GRIA1: variants seen among roughly 807,000 people sequenced by gnomAD.
GRIA1 encodes glutamate receptor 1.
In GRIA1, 31 loss-of-function variants were observed where a neutral mutation model predicts 99.2. That is an observed-to-expected ratio of 0.31 (90% CI 0.23 to 0.42). GRIA1 has a LOEUF of 0.42. GRIA1 is among the 10% of genes least tolerant of loss of function. The pLI is 1.00. For missense variants in GRIA1, 782 were observed against 1,157.5 expected, an observed-to-expected ratio of 0.68 and a Z score of 4.71; for synonymous variants, 438 against 432.4, an observed-to-expected ratio of 1.01 and a Z score of -0.16.
At chr5:153,713,777 T>C (rs775593219) in intron 11 of GRIA1, among the ~76,000 whole-genome samples, 3 of 152,208 alleles carry the variant, frequency 2.0e-5, no homozygotes, top group Non-Finnish European at 4.4e-5. Context: ...TCTCCAAAAT[T>C]ACAATAGGAA....
chr5:153,794,548 T>C, intron 13 of GRIA1, 73 bp from the exon 14 acceptor site: 1 of 1,004,210 alleles, frequency 1.0e-6, no homozygotes, highest in South Asian at 1.3e-5. Flanking sequence ...GATTCACCGA[T>C]CCCTTGGGTC....
intron 13 of GRIA1, among the ~76,000 whole-genome samples, chr5:153,779,801 C>G (rs1561854591): frequency 6.6e-6 from 1 of 152,186 alleles, no homozygotes; most frequent in East Asian, 1.9e-4. Flanking sequence ...ACTTCATGAT[C>G]CATCCGCCTC....
intron 2 of GRIA1, among the ~76,000 whole-genome samples, chr5:153,567,916 G>A (rs1035340030): frequency 3.9e-5 from 6 of 152,126 alleles, no homozygotes; most frequent in East Asian, 3.9e-4. Context: ...GAATTATTCC[G>A]AGTACAGTAT....
chr5:153,598,991 C>G (rs6877129), intron 2 of GRIA1, among the ~76,000 whole-genome samples: 25 of 152,266 alleles, frequency 1.6e-4, no homozygotes, highest in African/African-American at 6.0e-4. Flanking sequence ...ATGCCATTCT[C>G]CTGCCTCAGC....
chr5:153,671,479 A>G (rs893624574), intron 5 of GRIA1, among the ~76,000 whole-genome samples: 1 of 152,208 alleles, frequency 6.6e-6, no homozygotes, highest in Non-Finnish European at 1.5e-5. Context: ...TGGAATGCAT[A>G]TTGGGTACAG....
At chr5:153,788,044 C>A (rs1178624287) in intron 13 of GRIA1, among the ~76,000 whole-genome samples, 2 of 151,854 alleles carry the variant, frequency 1.3e-5, no homozygotes, top group Non-Finnish European at 2.9e-5. Context: ...CATGCCACTG[C>A]ACTCCAGCCT....
At chr5:153,704,311 G>C (rs575730485) in intron 10 of GRIA1, among the ~76,000 whole-genome samples, 2 of 152,226 alleles carry the variant, frequency 1.3e-5, no homozygotes, top group Non-Finnish European at 2.9e-5. Context: ...ACCTGCATAG[G>C]CATGTCTCTC....
intron 13 of GRIA1, among the ~76,000 whole-genome samples, chr5:153,776,384 G>A (rs1764255114): frequency 6.6e-6 from 1 of 152,166 alleles, no homozygotes; most frequent in African/African-American, 2.4e-5. Context: ...TTTTGGCAAG[G>A]ACAGAAAATG....
chr5:153,643,087 T>C (rs1191873379), intron 2 of GRIA1, among the ~76,000 whole-genome samples: 1 of 152,174 alleles, frequency 6.6e-6, no homozygotes. Flanking sequence ...AGGATTTTGT[T>C]ACAAGGGAAT....
At chr5:153,535,335 C>A (rs1758469431) in intron 2 of GRIA1, among the ~76,000 whole-genome samples, 1 of 152,200 alleles carries the variant, frequency 6.6e-6, no homozygotes, top group South Asian at 2.1e-4. Context: ...TACCCACCAT[C>A]CACCACCATT....
At chr5:153,631,916 C>T (rs1207435484) in intron 2 of GRIA1, among the ~76,000 whole-genome samples, 1 of 151,922 alleles carries the variant, frequency 6.6e-6, no homozygotes, top group Admixed American at 6.6e-5. Flanking sequence ...CAGTGAGAAC[C>T]GCATCGGGGG....
intron 11 of GRIA1, among the ~76,000 whole-genome samples, chr5:153,722,687 C>T (rs112048029): frequency 0.02 from 2,977 of 152,258 alleles, 38 homozygotes; most frequent in Non-Finnish European, 0.031. Flanking sequence ...CAGGGTATTA[C>T]CTTATCTTAA....
intron 1 of GRIA1, 37 bp from the exon 2 acceptor site, chr5:153,493,891 T>A (rs778455399): frequency 6.8e-6 from 11 of 1,612,090 alleles, no homozygotes; most frequent in Non-Finnish European, 9.3e-6. Context: ...AACCTGTCTC[T>A]AGCCCATATA....
At chr5:153,708,633 TTTA>T (rs1759088888) in intron 11 of GRIA1, among the ~76,000 whole-genome samples, 1 of 152,260 alleles carries the variant, frequency 6.6e-6, no homozygotes, top group Non-Finnish European at 1.5e-5. Context: ...GGATGCTTTT[TTTA>T]TTATGTTAAT....
intron 13 of GRIA1, among the ~76,000 whole-genome samples, chr5:153,785,650 T>G (rs1764924351): frequency 6.6e-6 from 1 of 152,216 alleles, no homozygotes; most frequent in South Asian, 2.1e-4. Context: ...TTCCTTCTTT[T>G]CCCATTGATG....
chr5:153,629,511 G>A (rs1277833336), intron 2 of GRIA1, among the ~76,000 whole-genome samples: 2 of 152,200 alleles, frequency 1.3e-5, no homozygotes, highest in African/African-American at 4.8e-5. Context: ...TGAAACCAAG[G>A]ATTATAAATA....
chr5:153,615,449 C>T lies in GRIA1; in HGVS notation c.221-31479C>T, dbSNP rs573195419. Among the ~76,000 whole-genome samples, 133 of 152,216 alleles carry T rather than the reference C, an allele frequency of 8.7e-4. 1 individual carries two copies. In the South Asian group the frequency reaches 0.012, roughly 13 times the overall value. ...TTGAGACCAGGAGTATGAGACCATA[C>T]TAGTCAACATAGTAAGGCCCTGCCT... On this transcript the variant is annotated intron_variant, in intron 2 of 15. Transcript: ENST00000285900.
chr5:153,589,889 C>T (rs866819242), intron 2 of GRIA1, among the ~76,000 whole-genome samples: 11 of 152,146 alleles, frequency 7.2e-5, no homozygotes, highest in East Asian at 5.8e-4. Context: ...ATTCACGCAG[C>T]GCACAGTAGT....
intron 7 of GRIA1, among the ~76,000 whole-genome samples, chr5:153,681,244 T>C (rs1756949307): frequency 1.3e-5 from 2 of 152,252 alleles, no homozygotes; most frequent in Admixed American, 1.3e-4. Flanking sequence ...TAAGAACTTA[T>C]TCATTACCAT....
Sources: allele counts gnomAD v4.1 joint callset (sites outside exome capture counted in the v4.1 genomes callset), GRCh38; gene constraint gnomAD v4.1.1; transcripts MANE v1.5; gene names NCBI Gene and HGNC (gene_info 2026-07-23, HGNC 2026-07-21).